Variants in GALNTL6 observed in about 807,000 individuals in gnomAD.
GALNTL6 encodes polypeptide N-acetylgalactosaminyltransferase like 6.
In GALNTL6, 46 loss-of-function variants were observed where a neutral mutation model predicts 73.7. The observed-to-expected ratio is 0.62, with a 90% CI of 0.49 to 0.80. The LOEUF is 0.80. GALNTL6 is among the 30% of genes least tolerant of loss of function. The pLI is 0.00. For missense variants in GALNTL6, 604 were observed against 755.0 expected, an observed-to-expected ratio of 0.80 and a Z score of 2.34; for synonymous variants, 259 against 263.7, an observed-to-expected ratio of 0.98 and a Z score of 0.17.
At chr4:172,668,411 T>A (rs775824372) in intron 5 of GALNTL6, 1 of 152,100 alleles carries the variant, frequency 6.6e-6, no homozygotes, top group Non-Finnish European at 1.5e-5. Context: ...GCCACATAAT[T>A]TGAGAGTGTC....
At chr4:172,635,497 T>TCTGTCTTCCC (rs1219308529) in intron 5 of GALNTL6, among the ~76,000 whole-genome samples, 1 of 152,124 alleles carries the variant, frequency 6.6e-6, no homozygotes, top group Non-Finnish European at 1.5e-5. Flanking sequence ...GACCCATTAA[T>TCTGTCTTCCC]CTGTCTTCCC....
At chr4:172,369,941 G>T (rs567077085) in intron 5 of GALNTL6, among the ~76,000 whole-genome samples, 1 of 152,328 alleles carries the variant, frequency 6.6e-6, no homozygotes, top group East Asian at 1.9e-4. Context: ...AGGCTGACGG[G>T]CTCCTCAAGT....
At chr4:172,211,262 G>T (rs1246429214) in intron 2 of GALNTL6, among the ~76,000 whole-genome samples, 1 of 152,168 alleles carries the variant, frequency 6.6e-6, no homozygotes, top group Non-Finnish European at 1.5e-5. Flanking sequence ...ACTGATGTGA[G>T]ATCTAGATGT....
At chr4:171,925,779 T>C (rs1737958579) in intron 2 of GALNTL6, among the ~76,000 whole-genome samples, 1 of 152,132 alleles carries the variant, frequency 6.6e-6, no homozygotes, top group African/African-American at 2.4e-5. Context: ...GTATTGATGA[T>C]AATAAGTAAC....
At chr4:171,923,818 G>GTGTGTGTT (rs935530788) in intron 2 of GALNTL6, among the ~76,000 whole-genome samples, 2 of 149,650 alleles carry the variant, frequency 1.3e-5, no homozygotes, top group African/African-American at 5.0e-5. Flanking sequence ...GTGTGTGTGT[G>GTGTGTGTT]TGTGTGTGTT....
At chr4:172,837,674 T>C (rs1417156440) in intron 7 of GALNTL6, among the ~76,000 whole-genome samples, 1 of 152,168 alleles carries the variant, frequency 6.6e-6, no homozygotes, top group East Asian at 1.9e-4. Context: ...AGGAGTAACA[T>C]TCAATGTGAA....
chr4:172,782,183 AT>A (rs1739402839), intron 5 of GALNTL6, among the ~76,000 whole-genome samples: 1 of 152,136 alleles, frequency 6.6e-6, no homozygotes, highest in African/African-American at 2.4e-5. Context: ...TACTTTTGTA[AT>A]ATTTCATGAG....
chr4:172,718,465 C>CT (rs1280474459), intron 5 of GALNTL6, among the ~76,000 whole-genome samples: 1 of 151,472 alleles, frequency 6.6e-6, no homozygotes, highest in Non-Finnish European at 1.5e-5. Flanking sequence ...GACCCTGTCT[C>CT]TAAAAAAAAA....
chr4:172,125,524 A>G (rs924180094), intron 2 of GALNTL6, among the ~76,000 whole-genome samples: 11 of 152,194 alleles, frequency 7.2e-5, no homozygotes, highest in African/African-American at 2.4e-4. Flanking sequence ...GTCTTTAGAA[A>G]GACACACAAA....
At chr4:172,432,381 A>G (rs1196958840) in intron 5 of GALNTL6, among the ~76,000 whole-genome samples, 4 of 152,082 alleles carry the variant, frequency 2.6e-5, no homozygotes, top group Admixed American at 6.6e-5. Context: ...CTATTTTGCA[A>G]CTGAAGTTTT....
intron 5 of GALNTL6, among the ~76,000 whole-genome samples, chr4:172,528,963 A>ATATATATATATATATATGTG (rs1350827830): frequency 3.3e-5 from 1 of 30,208 alleles, no homozygotes; most frequent in African/African-American, 6.7e-5. Context: ...ATATATATAT[A>ATATATATATATATATATGTG]TGTGTGTGTA....
intron 5 of GALNTL6, among the ~76,000 whole-genome samples, chr4:172,443,878 G>T (rs543862823): frequency 3.2e-4 from 48 of 152,250 alleles, no homozygotes; most frequent in African/African-American, 1.1e-3. Context: ...ACTAGATAAG[G>T]ACCTTGAACT....
intron 5 of GALNTL6, among the ~76,000 whole-genome samples, chr4:172,638,793 T>A (rs1266489440): frequency 6.6e-6 from 1 of 152,162 alleles, no homozygotes; most frequent in Non-Finnish European, 1.5e-5. Context: ...TAATCTAGGA[T>A]CCCATAATTA....
intron 2 of GALNTL6, among the ~76,000 whole-genome samples, chr4:172,073,025 T>C (rs1247585906): frequency 1.3e-5 from 2 of 152,176 alleles, no homozygotes; most frequent in Non-Finnish European, 2.9e-5. Context: ...CCGTTTTGCT[T>C]TTCACGAAAT....
chr4:172,069,553 A>ATGTTATATATAACACATATG lies in GALNTL6; in HGVS notation c.139-160084_139-160083insGTGTTATATATAACACATAT, dbSNP rs1560909574. Among the ~76,000 whole-genome samples, 43 of 17,628 alleles carry ATGTTATATATAACACATATG rather than the reference A, an allele frequency of 2.4e-3. 13 individuals are homozygous for ATGTTATATATAACACATATG. Among genetic ancestry groups the ATGTTATATATAACACATATG allele is most frequent in the South Asian group, 0.013 (4 of 306 alleles). The allele number at this position is 17,628 out of a possible 152,430, so 11.6% of individuals were successfully genotyped here. ...CACATATATTATATATAACACATAT[A>ATGTTATATATAACACATATG]TGTTATATATAACACATATATGTTA... is the stretch of plus-strand genomic sequence containing the variant. On this transcript the variant is annotated intron_variant, in intron 2 of 12. Coordinates refer to ENST00000506823, the MANE Select transcript of GALNTL6 (RefSeq NM_001034845.3).
chr4:172,157,281 A>G (rs576618580), intron 2 of GALNTL6, among the ~76,000 whole-genome samples: 5 of 152,312 alleles, frequency 3.3e-5, no homozygotes, highest in African/African-American at 4.8e-5. Context: ...AGAAGGAGCA[A>G]TGCAGCCTAC....
intron 5 of GALNTL6, among the ~76,000 whole-genome samples, chr4:172,408,194 G>A (rs1278953959): frequency 6.6e-6 from 1 of 151,950 alleles, no homozygotes; most frequent in Non-Finnish European, 1.5e-5. Context: ...TGAGAATAGT[G>A]GAAATGTATT....
intron 2 of GALNTL6, among the ~76,000 whole-genome samples, chr4:172,086,127 G>A (rs1193111932): frequency 6.6e-6 from 1 of 152,056 alleles, no homozygotes; most frequent in African/African-American, 2.4e-5. Context: ...TGAAAGAATT[G>A]TCCTGAGGGA....
At chr4:172,311,412 T>C (rs992330885) in intron 3 of GALNTL6, among the ~76,000 whole-genome samples, 2 of 152,232 alleles carry the variant, frequency 1.3e-5, no homozygotes, top group African/African-American at 4.8e-5. Context: ...TTACACTTTC[T>C]ACTTCTGTGT....
Sources: allele counts gnomAD v4.1 joint callset (sites outside exome capture counted in the v4.1 genomes callset), GRCh38; gene constraint gnomAD v4.1.1; transcripts MANE v1.5; gene names NCBI Gene and HGNC (gene_info 2026-07-23, HGNC 2026-07-21).